DLG2: variants seen among roughly 807,000 people sequenced by gnomAD.
DLG2 encodes the protein disks large homolog 2.
DLG2 carries 45 observed loss-of-function variants against 132.5 expected under a neutral mutation model. That is an observed-to-expected ratio of 0.34 (90% CI 0.27 to 0.44). DLG2 has a LOEUF of 0.44. DLG2 is among the 20% of genes least tolerant of loss of function. DLG2 has a pLI of 1.00. For synonymous variants in DLG2, 424 were observed against 419.6 expected (o/e 1.01, Z -0.13); for missense variants, 1,045 against 1,196.9 (o/e 0.87, Z 1.87).
chr11:83,580,909 CCCTCCCCTTT>C (rs1190591426), intron 19 of DLG2, among the ~76,000 whole-genome samples: 2 of 143,678 alleles, frequency 1.4e-5, no homozygotes, highest in Non-Finnish European at 3.1e-5. Context: ...CCCTCCCCTC[CCCTCCCCTTT>C]CCCTCCCTCA....
chr11:84,410,574 CTT>C (rs367980167), intron 7 of DLG2, among the ~76,000 whole-genome samples: 1,133 of 109,034 alleles, frequency 0.01, 15 homozygotes, highest in East Asian at 0.061. Flanking sequence ...ACCACATAAA[CTT>C]TTTTTTTTTT....
In DLG2 at chr11:84,335,297, A is replaced by G. The variant is rs77902711; in HGVS notation, c.520-84006T>C. Among the ~76,000 whole-genome samples the G allele has an allele frequency of 6.6e-3, 1,000 of 152,000 alleles. 16 individuals carry two copies. Among genetic ancestry groups the G allele is most frequent in the African/African-American group, 0.023 (951 of 41,494 alleles). The stretch of plus-strand genomic sequence containing the variant: ...GGGAGGGAGGAAAAGGTAGACAACC[A>G]TTTTAACATGGCTTCAGAAGTAATA... On this transcript the variant is annotated intron_variant, in intron 7 of 27. Coordinates refer to ENST00000376104, the MANE Select transcript of DLG2 (RefSeq NM_001142699.3).
intron 19 of DLG2, among the ~76,000 whole-genome samples, chr11:83,626,958 A>C (rs1489519883): frequency 2.0e-5 from 3 of 151,830 alleles, no homozygotes; most frequent in Non-Finnish European, 4.4e-5. Flanking sequence ...CAGAAAGTCT[A>C]TCCTTCTTCC....
At chr11:83,482,112 C>G (rs537612093) in intron 22 of DLG2, among the ~76,000 whole-genome samples, 2 of 151,990 alleles carry the variant, frequency 1.3e-5, no homozygotes, top group South Asian at 4.2e-4. Context: ...TATAGTAACT[C>G]AAAAATAAAG....
chr11:85,374,970 AC>A (rs1639068046), intron 3 of DLG2, among the ~76,000 whole-genome samples: 1 of 152,158 alleles, frequency 6.6e-6, no homozygotes, highest in Non-Finnish European at 1.5e-5. Context: ...CAGCAAACAC[AC>A]ACACACACAC....
At chr11:84,928,272 A>G (rs1331167692) in intron 6 of DLG2, among the ~76,000 whole-genome samples, 2 of 151,938 alleles carry the variant, frequency 1.3e-5, no homozygotes, top group Non-Finnish European at 2.9e-5. Flanking sequence ...GTAAAAAAAT[A>G]AAATAAAATA....
intron 6 of DLG2, among the ~76,000 whole-genome samples, chr11:84,724,096 AG>A (rs2062130401): frequency 6.6e-6 from 1 of 152,092 alleles, no homozygotes; most frequent in African/African-American, 2.4e-5. Flanking sequence ...GCGAGGGAAA[AG>A]AATAGATTGG....
At chr11:85,484,295 A>G (rs185568967) in intron 3 of DLG2, among the ~76,000 whole-genome samples, 3,122 of 131,000 alleles carry the variant, frequency 0.024, 108 homozygotes, top group African/African-American at 0.082. Flanking sequence ...GCATGGGCAA[A>G]GACTTCATGT....
Position 84,990,125 on chromosome 11 carries a change from T to C in DLG2, c.357+121536A>G, listed in dbSNP as rs563331659. ...CAACAAAGGACTTGTATCCACGATA[T>C]GTGAAGAACTCCACAACTCAACAGC... On this transcript the variant is annotated intron_variant, in intron 6 of 27. Coordinates refer to ENST00000376104, the MANE Select transcript of DLG2 (RefSeq NM_001142699.3). Among the ~76,000 whole-genome samples the C allele has an allele frequency of 2.6e-5, 4 of 152,332 alleles. No homozygotes were observed. The South Asian group carries it at 8.3e-4, about 32-fold the overall frequency.
chr11:84,916,863 G>T (rs11234242), intron 6 of DLG2, among the ~76,000 whole-genome samples: 7 of 151,898 alleles, frequency 4.6e-5, no homozygotes, highest in Non-Finnish European at 1.0e-4. Context: ...TCTAGCTCAG[G>T]GCCTTTGCAT....
At position 85,147,986 on chromosome 11, in the gene DLG2, G is replaced by A. The variant is rs1180879481; in HGVS notation, c.282+6570C>T. On this transcript the variant is annotated intron_variant, in intron 5 of 27. Transcript: ENST00000376104. Reference sequence around the variant, plus strand: ...TTCTCATTGTACAACTCCAGCTGATGAATGAGAACTTGTGTTGTTTGGTTT... The same window carrying A: ...TTCTCATTGTACAACTCCAGCTGATAAATGAGAACTTGTGTTGTTTGGTTT... Among the ~76,000 whole-genome samples the A allele has an allele frequency of 6.6e-5, 10 of 151,704 alleles. No homozygotes were observed. In the East Asian group the frequency reaches 1.9e-3, roughly 29 times the overall value.
In DLG2 at chr11:84,023,240, C is replaced by T. The variant is rs992833903; in HGVS notation, c.919+36075G>A. On this transcript the variant is annotated intron_variant, in intron 11 of 27. Coordinates refer to ENST00000376104, the MANE Select transcript of DLG2 (RefSeq NM_001142699.3). ...AAATGTAGTATTCAATAAGTTGATTCCTGAACATTTTCCTAAATGATATTG... is the reference window on the plus strand; with the variant it reads ...AAATGTAGTATTCAATAAGTTGATTTCTGAACATTTTCCTAAATGATATTG... 5.9e-5 allele frequency among the ~76,000 whole-genome samples: 9 copies of T among 152,180 alleles called. No homozygotes were observed. The South Asian group carries it at 6.2e-4, about 11-fold the overall frequency.
At chr11:83,698,733 A>C (rs1258350630) in intron 18 of DLG2, among the ~76,000 whole-genome samples, 1 of 152,220 alleles carries the variant, frequency 6.6e-6, no homozygotes, top group Non-Finnish European at 1.5e-5. Context: ...CCAAGCTCTG[A>C]AAGCCTATCC....
chr11:84,729,087 T>A (rs2062844210), intron 6 of DLG2, among the ~76,000 whole-genome samples: 1 of 152,298 alleles, frequency 6.6e-6, no homozygotes, highest in South Asian at 2.1e-4. Flanking sequence ...TGTATCTCCT[T>A]CAGTTCTGCT....
At chr11:83,753,837 TATATATC>T (rs1566831693) in intron 18 of DLG2, among the ~76,000 whole-genome samples, 212 of 11,058 alleles carry the variant, frequency 0.019, 6 homozygotes, top group Middle Eastern at 0.1. Context: ...ATATATATGA[TATATATC>T]ATATATATCA....
rs151296835 is a variant in DLG2 at position 84,029,053 on chromosome 11, G to T, written c.919+30262C>A. Among the ~76,000 whole-genome samples the T allele has an allele frequency of 8.2e-3, 1,247 of 152,034 alleles. 8 individuals carry two copies. The highest frequency in any genetic ancestry group is 0.013 in the Non-Finnish European group (884 of 67,954). ...TGTTATAAAGTAAGTAAATCTAAAAGTCAGGATATGGCACCTTTTCTAACT... is the reference window on the plus strand; with the variant it reads ...TGTTATAAAGTAAGTAAATCTAAAATTCAGGATATGGCACCTTTTCTAACT... On this transcript the variant is annotated intron_variant, in intron 11 of 27. Coordinates refer to ENST00000376104, the MANE Select transcript of DLG2 (RefSeq NM_001142699.3).
chr11:85,174,187 G>A (rs1252816665), intron 4 of DLG2, among the ~76,000 whole-genome samples: 2 of 151,944 alleles, frequency 1.3e-5, no homozygotes, highest in East Asian at 1.9e-4. Flanking sequence ...ATAACCACAC[G>A]GCAGTTACTC....
At chr11:84,215,167 C>T (rs760437578) in intron 8 of DLG2, among the ~76,000 whole-genome samples, 7 of 152,094 alleles carry the variant, frequency 4.6e-5, no homozygotes, top group East Asian at 3.9e-4. Flanking sequence ...TACATAGGTC[C>T]GAAACACGTC....
intron 6 of DLG2, among the ~76,000 whole-genome samples, chr11:84,748,450 A>G (rs1247092439): frequency 6.6e-6 from 1 of 152,156 alleles, no homozygotes; most frequent in Non-Finnish European, 1.5e-5. Context: ...GTACAATTTT[A>G]TATACTTCAT....
Sources: allele counts gnomAD v4.1 joint callset (sites outside exome capture counted in the v4.1 genomes callset), GRCh38; gene constraint gnomAD v4.1.1; transcripts MANE v1.5; gene names NCBI Gene and HGNC (gene_info 2026-07-23, HGNC 2026-07-21).